Variants in PABPC4L observed in about 807,000 individuals in gnomAD.
The protein encoded by PABPC4L is poly(A) binding protein cytoplasmic 4 like, also known as polyadenylate-binding protein 4-like.
For synonymous variants in PABPC4L, 169 were observed against 164.1 expected, an observed-to-expected ratio of 1.03 and a Z score of -0.23; for missense variants, 452 against 451.4, an observed-to-expected ratio of 1.00 and a Z score of -0.01.
chr4:134,136,892 T>C, the PABPC4L span, among the ~76,000 whole-genome samples: 1 of 152,082 alleles, frequency 6.6e-6, no homozygotes, highest in African/African-American at 2.4e-5. Flanking sequence ...GTTTATTTTC[T>C]CCTCTGAGCT....
chr4:133,973,912 AG>A, the PABPC4L span, among the ~76,000 whole-genome samples: 1 of 152,180 alleles, frequency 6.6e-6, no homozygotes, highest in South Asian at 2.1e-4. Context: ...AACTCTGACA[AG>A]CTCCTGGAAA....
chr4:134,180,009 G>A, the PABPC4L span, among the ~76,000 whole-genome samples: 186 of 152,050 alleles, frequency 1.2e-3, 3 homozygotes, highest in East Asian at 0.033. Flanking sequence ...ACTAACAAAG[G>A]TATTTGTGAC....
chr4:133,960,990 G>GA, the PABPC4L span, among the ~76,000 whole-genome samples: 1 of 152,046 alleles, frequency 6.6e-6, no homozygotes, highest in African/African-American at 2.4e-5. Context: ...CCTGGTAACT[G>GA]AAAAAAGAGC....
the PABPC4L span, among the ~76,000 whole-genome samples, chr4:134,187,910 G>A: frequency 1.3e-3 from 204 of 152,098 alleles, 1 homozygote; most frequent in South Asian, 4.8e-3. Flanking sequence ...GACTACTGAT[G>A]ATTAAAGTAA....
At chr4:134,034,304 A>T in the PABPC4L span, among the ~76,000 whole-genome samples, 1 of 151,936 alleles carries the variant, frequency 6.6e-6, no homozygotes, top group African/African-American at 2.4e-5. Context: ...CTGCTCATTG[A>T]CAATGCATCT....
the PABPC4L span, among the ~76,000 whole-genome samples, chr4:134,085,139 T>G: frequency 1.3e-5 from 2 of 152,082 alleles, no homozygotes; most frequent in South Asian, 2.1e-4. Flanking sequence ...TTGAGCTTCA[T>G]GTGGGACCAG....
chr4:134,143,532 T>C, the PABPC4L span, among the ~76,000 whole-genome samples: 1 of 150,646 alleles, frequency 6.6e-6, no homozygotes, highest in Admixed American at 6.6e-5. Context: ...CTTATGTTAA[T>C]ACACAAAATT....
At chr4:134,061,683 C>T in the PABPC4L span, among the ~76,000 whole-genome samples, 1 of 150,388 alleles carries the variant, frequency 6.6e-6, no homozygotes, top group South Asian at 2.1e-4. Context: ...ACATTAATCC[C>T]CTCTGTATAC....
chr4:133,987,591 G>C, the PABPC4L span, among the ~76,000 whole-genome samples: 75 of 152,074 alleles, frequency 4.9e-4, no homozygotes, highest in African/African-American at 1.7e-3. Context: ...TCACCAACAA[G>C]CCTATACAGA....
chr4:134,044,179 C>T, the PABPC4L span, among the ~76,000 whole-genome samples: 1 of 152,060 alleles, frequency 6.6e-6, no homozygotes, highest in South Asian at 2.1e-4. Context: ...GATCCACCTG[C>T]CTTGGGCCTC....
chr4:133,969,166 A>G, the PABPC4L span, among the ~76,000 whole-genome samples: 1 of 152,128 alleles, frequency 6.6e-6, no homozygotes, highest in African/African-American at 2.4e-5. Flanking sequence ...TTCTCACTCT[A>G]TATACACTTG....
the PABPC4L span, among the ~76,000 whole-genome samples, chr4:134,160,616 T>C: frequency 3.3e-5 from 5 of 152,226 alleles, no homozygotes; most frequent in Admixed American, 2.6e-4. Context: ...GTGGCTCCTG[T>C]CTATAATCCC....
chr4:134,026,932 T>G, the PABPC4L span, among the ~76,000 whole-genome samples: 10 of 152,190 alleles, frequency 6.6e-5, no homozygotes, highest in Non-Finnish European at 1.2e-4. Context: ...AGGAACTGGC[T>G]GTCTTCATAC....
the PABPC4L span, among the ~76,000 whole-genome samples, chr4:133,963,591 C>A: frequency 6.6e-6 from 1 of 151,738 alleles, no homozygotes; most frequent in African/African-American, 2.4e-5. Context: ...TTATGATAGG[C>A]CAGAAAAAAA....
the PABPC4L span, among the ~76,000 whole-genome samples, chr4:134,088,818 G>A: frequency 6.6e-6 from 1 of 152,072 alleles, no homozygotes. Flanking sequence ...AGCACAGATT[G>A]AGATGATCAT....
chr4:134,156,199 C>G, the PABPC4L span, among the ~76,000 whole-genome samples: 1 of 151,890 alleles, frequency 6.6e-6, no homozygotes, highest in African/African-American at 2.4e-5. Context: ...TTAAGGTCCT[C>G]TTTGTATTTC....
the PABPC4L span, among the ~76,000 whole-genome samples, chr4:133,978,283 C>T: frequency 6.6e-6 from 1 of 152,074 alleles, no homozygotes; most frequent in African/African-American, 2.4e-5. Flanking sequence ...AAAAAGAGTT[C>T]AGAATGGGTA....
chr4:134,073,401 C>T, the PABPC4L span, among the ~76,000 whole-genome samples: 1 of 152,194 alleles, frequency 6.6e-6, no homozygotes, highest in South Asian at 2.1e-4. Context: ...GAAGTAGGCT[C>T]CATGGCCTTG....
the PABPC4L span, among the ~76,000 whole-genome samples, chr4:134,119,392 G>T: frequency 1.3e-5 from 2 of 151,306 alleles, no homozygotes; most frequent in Non-Finnish European, 3.0e-5. Flanking sequence ...CTTATACATT[G>T]GCCTCATATA....
Sources: gnomAD v4.1 joint callset for allele counts (sites outside exome capture counted in the v4.1 genomes callset) on GRCh38, gnomAD v4.1.1 for gene constraint, MANE v1.5 for transcripts, NCBI Gene and HGNC (gene_info 2026-07-23, HGNC 2026-07-21) for gene names.